The following SI variants were observed in gnomAD, a reference collection of about 807,000 sequenced individuals.
SI encodes the protein sucrase-isomaltase, also known as sucrase-isomaltase, intestinal.
SI carries 235 observed loss-of-function variants against 253.3 expected under a neutral mutation model. The observed-to-expected ratio is 0.93, with a 90% CI of 0.83 to 1.03. SI has a LOEUF of 1.03. Among genes scored for constraint, SI ranks in the 50% least tolerant of loss-of-function variants. The pLI is 0.00. For synonymous variants in SI, 819 were observed against 712.0 expected (o/e 1.15, Z -2.39); for missense variants, 2,442 against 2,211.1 (o/e 1.10, Z -2.09).
At position 165,043,068 on chromosome 3, in the gene SI, G is replaced by C; in HGVS notation, c.1995C>G (p.Asp665Glu). Residue 665 changes from aspartate to glutamate, a missense_variant, in exon 17 of 48, where the codon GAC (aspartate) becomes GAG (glutamate). Asp to Glu is a conservative substitution (Grantham distance 45). Coordinates refer to ENST00000264382, the MANE Select transcript of SI (RefSeq NM_001041.4). ...FYPFSRNHNS[D>E]GYEHQDPAFF... ...AACAAGAGGCTCTTACTTCATATCC[G>C]TCAGAATTATGGTTTCTGGAAAATG... is the stretch of plus-strand genomic sequence containing the variant. The C allele has an allele frequency of 6.3e-7, 1 of 1,595,790 alleles. No individual in the cohort carries two copies. The highest frequency in any genetic ancestry group is 8.6e-7 in the Non-Finnish European group (1 of 1,163,838).
intron 1 of SI, among the ~76,000 whole-genome samples, chr3:165,077,609 T>C (rs907228800): frequency 6.6e-6 from 1 of 151,644 alleles, no homozygotes; most frequent in East Asian, 1.9e-4. Flanking sequence ...ACAGGTAACA[T>C]ACAAAGCTGT....
At chr3:165,065,217 G>T (rs1175211691) in intron 7 of SI, 44 bp downstream of exon 7, 4 of 1,211,836 alleles carry the variant, frequency 3.3e-6, no homozygotes, top group African/African-American at 1.5e-5. Flanking sequence ...TTCATCTGCT[G>T]CAATATAGTG....
At position 165,073,189 on chromosome 3, in the gene SI, TCTCTCTCTCTCTCTCTCTCTCTC is replaced by T. The variant is rs1714701813; in HGVS notation, c.255+1319_255+1341del. Among the ~76,000 whole-genome samples, 186 of 22,254 alleles carry T rather than the reference TCTCTCTCTCTCTCTCTCTCTCTC, an allele frequency of 8.4e-3. 1 individual carries two copies. The highest frequency in any genetic ancestry group is 0.015 in the Non-Finnish European group (140 of 9,270). The allele number at this position is 22,254 out of a possible 152,430, so 14.6% of individuals were successfully genotyped here. Reference sequence around the variant, plus strand: ...AATCATTTCTCTCTCTCTCTCTCTCTCTCTCTCTCTCTCTCTCTCTCTCTCTCTCTCTCTCTCTGTCTCTTTCC... The same window carrying T: ...AATCATTTCTCTCTCTCTCTCTCTCTTCTCTCTCTCTCTCTGTCTCTTTCC... On this transcript the variant is annotated intron_variant, in intron 3 of 47. Transcript: ENST00000264382.
rs1259282031 is a variant in SI, at chr3:165,008,001, T to TA, written c.4180-4dup. 6.1e-6 allele frequency: 9 copies of TA among 1,471,350 alleles called. No homozygotes were observed. The highest frequency in any genetic ancestry group is 1.1e-5 in the South Asian group (1 of 87,644). 91.1% of individuals were successfully genotyped at this position (1,471,350 alleles called of 1,614,324 possible). A position where few individuals can be genotyped will look rare whatever the true frequency, so the allele number is the denominator to read the frequency against. On this transcript the variant is annotated splice_polypyrimidine_tract_variant and splice_region_variant and intron_variant, in intron 35 of 47. Coordinates refer to ENST00000264382, the MANE Select transcript of SI (RefSeq NM_001041.4). ...AAACTTGATGGCTCATTCATATCCT[T>TA]AAAAAAAGATGAAAGAAAAAGGTAA... is the stretch of plus-strand genomic sequence containing the variant.
At chr3:165,025,431 G>T (rs1264421251) in intron 25 of SI, among the ~76,000 whole-genome samples, 1 of 151,104 alleles carries the variant, frequency 6.6e-6, no homozygotes, top group East Asian at 1.9e-4. Context: ...ATATTTGAAG[G>T]AATAATCAAA....
chr3:165,033,939 C>T (rs1161697393), intron 22 of SI, among the ~76,000 whole-genome samples: 1 of 151,210 alleles, frequency 6.6e-6, no homozygotes, highest in Non-Finnish European at 1.5e-5. Flanking sequence ...TTTAAATAAA[C>T]TTTAATGAGG....
chr3:165,062,343 A>G (rs776738323), intron 9 of SI, 28 bp downstream of exon 9: 23 of 1,190,802 alleles, frequency 1.9e-5, no homozygotes, highest in African/African-American at 7.5e-5. Context: ...ATGCAGAAAA[A>G]ATTTTATAAA....
At chr3:165,008,028 C>A (rs780286283) in intron 35 of SI, 30 bp from the exon 36 acceptor site, 4 of 1,175,632 alleles carry the variant, frequency 3.4e-6, no homozygotes, top group South Asian at 2.5e-5. Context: ...AAAAGGTAAA[C>A]AAAAGATAAA....
At chr3:165,070,072 T>C (rs1347930972) in intron 3 of SI, among the ~76,000 whole-genome samples, 1 of 146,852 alleles carries the variant, frequency 6.8e-6, no homozygotes, top group African/African-American at 2.5e-5. Flanking sequence ...ACGTATATAA[T>C]ATATATAGTA....
chr3:165,074,111 T>C (rs1714784073), intron 3 of SI, among the ~76,000 whole-genome samples: 4 of 152,186 alleles, frequency 2.6e-5, no homozygotes, highest in Middle Eastern at 3.4e-3. Context: ...TTAAAAACAA[T>C]TAATAATTTT....
rs1181904657 is a variant in SI at position 164,992,250 on chromosome 3, T to A, written c.4927-17A>T. On this transcript the variant is annotated splice_polypyrimidine_tract_variant and intron_variant, in intron 42 of 47. Coordinates refer to ENST00000264382, the MANE Select transcript of SI (RefSeq NM_001041.4). ...TTGAACATACTGGAATGTAAATAAA[T>A]AGCCATTAGTTGTATATAAACCAAA... The A allele has an allele frequency of 6.2e-7, 1 of 1,612,774 alleles. No individual in the cohort carries two copies. The highest frequency in any genetic ancestry group is 8.5e-7 in the Non-Finnish European group (1 of 1,179,042).
chr3:165,025,087 G>T (rs900221878), intron 25 of SI, among the ~76,000 whole-genome samples: 7 of 151,044 alleles, frequency 4.6e-5, no homozygotes, highest in South Asian at 2.1e-4. Context: ...AGCCTCCTTT[G>T]TCATTTCCTC....
chr3:164,983,999 C>A (rs1186286227), intron 45 of SI, among the ~76,000 whole-genome samples: 1 of 152,074 alleles, frequency 6.6e-6, no homozygotes, highest in Non-Finnish European at 1.5e-5. Flanking sequence ...TATCACTTTA[C>A]TCTAAAAGAT....
Position 165,060,035 on chromosome 3 carries a change from T to C in SI, c.1021-8A>G. On this transcript the variant is annotated splice_region_variant and splice_polypyrimidine_tract_variant and intron_variant, in intron 9 of 47. Coordinates refer to ENST00000264382, the MANE Select transcript of SI (RefSeq NM_001041.4). ...TGCTGGTAGTCCAACAAGCTTAAAGTAAATGAGCATGTAATTAGTTTGAAT... is the reference window on the plus strand; with the variant it reads ...TGCTGGTAGTCCAACAAGCTTAAAGCAAATGAGCATGTAATTAGTTTGAAT... 3.7e-6 allele frequency: 6 copies of C among 1,609,168 alleles called. No homozygotes were observed. The highest frequency in any genetic ancestry group is 5.1e-6 in the Non-Finnish European group (6 of 1,176,434).
At chr3:165,063,613 G>T in intron 7 of SI, 72 bp from the exon 8 acceptor site, 1 of 703,182 alleles carries the variant, frequency 1.4e-6, no homozygotes, top group Non-Finnish European at 2.5e-6. Flanking sequence ...TATTTTATAT[G>T]CTCTTCATGA....
chr3:164,992,437 A>C (rs201578382), intron 41 of SI, 40 bp from the exon 42 acceptor site: 7 of 1,323,984 alleles, frequency 5.3e-6, no homozygotes, highest in Admixed American at 1.8e-5. Flanking sequence ...TAAAACAAAT[A>C]ACTTTCTTCT....
At chr3:165,050,496 T>C (rs1713371649) in intron 13 of SI, among the ~76,000 whole-genome samples, 1 of 152,126 alleles carries the variant, frequency 6.6e-6, no homozygotes, top group African/African-American at 2.4e-5. Flanking sequence ...TCATGGATTT[T>C]CTAGCCATTT....
chr3:165,086,396 C>T, the SI span, among the ~76,000 whole-genome samples: 1 of 152,138 alleles, frequency 6.6e-6, no homozygotes, highest in East Asian at 1.9e-4. Flanking sequence ...AACTAGGTTG[C>T]TGGCACAAAA....
At chr3:165,048,576 T>TAG (rs1205569710) in intron 15 of SI, among the ~76,000 whole-genome samples, 5 of 108,120 alleles carry the variant, frequency 4.6e-5, no homozygotes, top group Non-Finnish European at 1.0e-4. Flanking sequence ...TGTATATATA[T>TAG]ATATATATAG....
Sources: allele counts gnomAD v4.1 joint callset (sites outside exome capture counted in the v4.1 genomes callset), GRCh38; gene constraint gnomAD v4.1.1; transcripts MANE v1.5; gene names NCBI Gene and HGNC (gene_info 2026-07-23, HGNC 2026-07-21).